The following PRRC2C variants were observed in gnomAD, a reference collection of about 807,000 sequenced individuals.
The protein encoded by PRRC2C is proline rich coiled-coil 2C, also known as protein PRRC2C.
Under a neutral mutation model 317.2 loss-of-function variants are expected in PRRC2C, and 72 were observed. The ratio of observed to expected loss-of-function variants is 0.23; its 90% CI spans 0.19 to 0.28. The LOEUF (loss-of-function observed/expected upper bound fraction) is 0.28, where lower values mean the gene tolerates loss of function less well. PRRC2C is among the 10% of genes least tolerant of loss of function. The pLI, the probability that PRRC2C is intolerant of heterozygous loss-of-function variation, is 1.00. For synonymous variants in PRRC2C, 1,296 were observed against 1,205.9 expected (o/e 1.07, Z -1.55); for missense variants, 3,074 against 3,459.7 (o/e 0.89, Z 2.80).
intron 20 of PRRC2C, among the ~76,000 whole-genome samples, chr1:171,563,522 G>A (rs150151410): frequency 6.6e-6 from 1 of 152,092 alleles, no homozygotes; most frequent in Non-Finnish European, 1.5e-5. Context: ...TAAAGAACTT[G>A]AACGTCATTT....
chr1:171,514,658 T>G lies in PRRC2C; in HGVS notation c.400+13T>G. The G allele has an allele frequency of 6.5e-7, 1 of 1,549,492 alleles. No homozygotes were observed. Among genetic ancestry groups the G allele is most frequent in the Non-Finnish European group, 8.7e-7 (1 of 1,144,676 alleles). On this transcript the variant is annotated intron_variant, in intron 4 of 34. Transcript: ENST00000647382. ...GGGCAAGGAGATGGTAAGTGGACATTAGTTGGGGAAGCTGCCTAGGCTTGA... is the reference window on the plus strand; with the variant it reads ...GGGCAAGGAGATGGTAAGTGGACATGAGTTGGGGAAGCTGCCTAGGCTTGA...
Position 171,541,937 on chromosome 1 carries a change from T to A in PRRC2C, c.4471T>A (p.Ser1491Thr). The change falls in exon 16 of 35, where the codon TCA becomes ACA. Residue 1491 changes from serine (S) to threonine (T), a missense_variant. Around this residue, in one of 11 missense-constraint regions of PRRC2C, gnomAD observed 1,320 missense variants for 1,395.7 expected, o/e 0.95. Transcript: ENST00000647382. The surrounding 1 kb of genome is among the most constrained non-coding windows in gnomAD (Gnocchi z 4.1). Reference protein sequence around the residue: ...KTPDLSNQNSSDQANEEWETA... With the variant: ...KTPDLSNQNSTDQANEEWETA... ...ACCAGATTTATCTAATCAGAACTCTTCAGATCAGGCAAATGAAGAATGGGA... is the reference window on the plus strand; with the variant it reads ...ACCAGATTTATCTAATCAGAACTCTACAGATCAGGCAAATGAAGAATGGGA... 1 of 1,613,750 alleles carries A rather than the reference T, an allele frequency of 6.2e-7. No individual in the cohort carries two copies. Among genetic ancestry groups the A allele is most frequent in the East Asian group, 2.2e-5 (1 of 44,868 alleles).
rs56110485 is a variant in PRRC2C, at chr1:171,524,035, CA to C, written c.1055+525del. On this transcript the variant is annotated intron_variant, in intron 9 of 34. Coordinates refer to ENST00000647382, the MANE Select transcript of PRRC2C (RefSeq NM_001387844.1). ...TGGGTGACAGAGCAAGACTGTATCT[CA>C]AAAAAAAAAAAGATATTTAGATGCT... Among the ~76,000 whole-genome samples the C allele has an allele frequency of 2.9e-3, 419 of 143,624 alleles. 1 individual carries two copies. The highest frequency in any genetic ancestry group is 9.3e-3 in the African/African-American group (358 of 38,682). 94.2% of individuals were successfully genotyped at this position (143,624 alleles called of 152,430 possible).
chr1:171,588,384 C>T lies in PRRC2C; in HGVS notation c.8078C>T (p.Thr2693Ile). The T allele has an allele frequency of 6.2e-7, 1 of 1,613,604 alleles. No homozygotes were observed. Among genetic ancestry groups the T allele is most frequent in the Non-Finnish European group, 8.5e-7 (1 of 1,179,704 alleles). The change falls in exon 33 of 35, where the codon ACT becomes ATT. Residue 2693 changes from threonine (T) to isoleucine (I), a missense_variant. By Grantham distance (89) the Thr-to-Ile change is moderately conservative. Coordinates refer to ENST00000647382, the MANE Select transcript of PRRC2C (RefSeq NM_001387844.1). ...AGTAATGGCTTCTTTCCAAGGGCTA[C>T]TTCTACAAGTCCGAACAGCCAGTCC... ...TTPTSSPFRA[T>I]STSPNSQSSK...
chr1:171,550,302 A>G (rs1571944477), intron 18 of PRRC2C, 62 bp downstream of exon 18: 1 of 1,424,564 alleles, frequency 7.0e-7, no homozygotes, highest in Non-Finnish European at 9.4e-7. Context: ...GTGTATCAGC[A>G]AATGTTCAAG....
In PRRC2C at chr1:171,527,800, A is replaced by G; in HGVS notation, c.1210A>G (p.Thr404Ala). The G allele has an allele frequency of 6.3e-7, 1 of 1,577,988 alleles. No individual in the cohort carries two copies. Among genetic ancestry groups the G allele is most frequent in the Non-Finnish European group, 8.6e-7 (1 of 1,159,946 alleles). Residue 404 changes from threonine to alanine, a missense_variant, in exon 11 of 35, where the codon ACA (threonine) becomes GCA (alanine). This residue lies in a region of PRRC2C where 1,320 missense variants were observed against 1,395.7 expected (regional missense o/e 0.95). Coordinates refer to ENST00000647382, the MANE Select transcript of PRRC2C (RefSeq NM_001387844.1). ...KGPSFNQERG[T>A]SSHLPPPPKL... The stretch of plus-strand genomic sequence containing the variant: ...TTCTTCTTTATAATAGGAACGTGGA[A>G]CATCTTCACATCTGCCACCACCTCC...
chr1:171,505,902 G>GT (rs1670085117), intron 1 of PRRC2C, among the ~76,000 whole-genome samples: 1 of 152,166 alleles, frequency 6.6e-6, no homozygotes, highest in South Asian at 2.1e-4. Flanking sequence ...GTTTAGACAT[G>GT]TTTCGATATA....
intron 20 of PRRC2C, 134 bp from the exon 21 acceptor site, chr1:171,566,099 A>T: frequency 1.5e-6 from 1 of 683,352 alleles, no homozygotes; most frequent in Non-Finnish European, 2.3e-6. Context: ...ATCCTAAAAT[A>T]TAATTAATGT....
At chr1:171,549,760 C>G (rs1290027070) in intron 17 of PRRC2C, among the ~76,000 whole-genome samples, 1 of 152,096 alleles carries the variant, frequency 6.6e-6, no homozygotes, top group Non-Finnish European at 1.5e-5. Context: ...CAGAGTTTTG[C>G]CATGTTGGCC....
chr1:171,499,499 G>A (rs1668698350), intron 1 of PRRC2C, among the ~76,000 whole-genome samples: 1 of 152,148 alleles, frequency 6.6e-6, no homozygotes, highest in African/African-American at 2.4e-5. Flanking sequence ...TAATAGAAAA[G>A]GGAGAGATGG....
chr1:171,591,886 G>GCGCCCCC lies in PRRC2C; in HGVS notation c.*39_*40insCGCCCCC. ...TTGCAGGGGATTGGGAGGGGGGCGG[G>GCGCCCCC]AAAACATGGAGAATTAAGTCAGATA... On this transcript the variant is annotated 3_prime_UTR_variant, in exon 35 of 35. Transcript: ENST00000647382. The GCGCCCCC allele has an allele frequency of 8.4e-6, 4 of 475,612 alleles. No homozygotes were observed. Among genetic ancestry groups the GCGCCCCC allele is most frequent in the African/African-American group, 4.3e-5 (2 of 46,120 alleles). 29.5% of individuals were successfully genotyped at this position (475,612 alleles called of 1,614,324 possible).
At chr1:171,587,264 G>A in intron 31 of PRRC2C, 43 bp downstream of exon 31, 1 of 1,515,264 alleles carries the variant, frequency 6.6e-7, no homozygotes, top group Non-Finnish European at 8.9e-7. Context: ...AGAATTTAAG[G>A]TAGTGTGTTC....
At chr1:171,490,077 G>A (rs1026308958) in intron 1 of PRRC2C, among the ~76,000 whole-genome samples, 2 of 151,944 alleles carry the variant, frequency 1.3e-5, no homozygotes, top group South Asian at 4.2e-4. Flanking sequence ...CTGCCATCAC[G>A]CCTGGCTAAT....
At chr1:171,550,019 C>T (rs1413583147) in intron 17 of PRRC2C, 67 bp from the exon 18 acceptor site, 2 of 1,202,266 alleles carry the variant, frequency 1.7e-6, no homozygotes, top group Non-Finnish European at 2.2e-6. Flanking sequence ...TACTACTGTA[C>T]TAAACATTTT....
chr1:171,574,985 C>T lies in PRRC2C; in HGVS notation c.6812C>T (p.Pro2271Leu). Residue 2271 changes from proline (P) to leucine (L), a missense_variant, in exon 25 of 35, where the codon CCA (proline) becomes CTA (leucine). Physicochemically the swap from Pro to Leu is moderately conservative, Grantham distance 98. Coordinates refer to ENST00000647382, the MANE Select transcript of PRRC2C (RefSeq NM_001387844.1). ...CCAAATGTAAGGGAAAAGGGGTCTC[C>T]AGTAACTTCCACAGCACCTCCAATT... ...NSPNVREKGSPVTSTAPPIAT... is the reference protein window; with the variant it reads ...NSPNVREKGSLVTSTAPPIAT... 4 of 1,613,860 alleles carry T rather than the reference C, an allele frequency of 2.5e-6. No homozygotes were observed. Among genetic ancestry groups the T allele is most frequent in the Non-Finnish European group, 3.4e-6 (4 of 1,179,866 alleles).
intron 1 of PRRC2C, among the ~76,000 whole-genome samples, chr1:171,489,620 A>G (rs1403012903): frequency 1.3e-5 from 2 of 152,258 alleles, no homozygotes; most frequent in Non-Finnish European, 2.9e-5. Flanking sequence ...TTACTATGCC[A>G]TGTTACTAAA....
intron 1 of PRRC2C, among the ~76,000 whole-genome samples, chr1:171,486,091 C>T (rs535338955): frequency 5.5e-5 from 8 of 146,124 alleles, no homozygotes; most frequent in Non-Finnish European, 1.0e-4. Flanking sequence ...TCTTCCTGGA[C>T]TGGCGGACGT....
At chr1:171,579,716 A>T (rs1446917265) in intron 27 of PRRC2C, 112 bp from the exon 28 acceptor site, 12 of 1,330,230 alleles carry the variant, frequency 9.0e-6, no homozygotes, top group Non-Finnish European at 1.2e-5. Flanking sequence ...TGGAGCTGAT[A>T]TATAGTATTA....
chr1:171,502,889 G>A (rs1307072036), intron 1 of PRRC2C, among the ~76,000 whole-genome samples: 1 of 151,984 alleles, frequency 6.6e-6, no homozygotes, highest in Non-Finnish European at 1.5e-5. Context: ...CACCCGGCTA[G>A]TTTTTATACT....
Sources: allele counts gnomAD v4.1 joint callset (sites outside exome capture counted in the v4.1 genomes callset), GRCh38; gene constraint gnomAD v4.1.1; regional missense constraint gnomAD v4.1.1; non-coding constraint Gnocchi (gnomAD v3.1); transcripts MANE v1.5; gene names NCBI Gene and HGNC (gene_info 2026-07-23, HGNC 2026-07-21).